Variants in HDAC9 observed in about 807,000 individuals in gnomAD.
HDAC9 encodes MEF-2 interacting transcription repressor (MITR) protein.
A neutral mutation model predicts 139.4 loss-of-function variants in HDAC9; 41 were observed. The ratio of observed to expected loss-of-function variants is 0.29; its 90% CI spans 0.23 to 0.38. The LOEUF is 0.38. HDAC9 is among the 10% of genes least tolerant of loss of function. The pLI, the probability that HDAC9 is intolerant of heterozygous loss-of-function variation, is 1.00. For synonymous variants in HDAC9, 517 were observed against 476.2 expected (o/e 1.09, Z -1.12); for missense variants, 1,147 against 1,297.0 (o/e 0.88, Z 1.78).
chr7:18,744,011 A>ATTTTTTTTTT, intron 13 of HDAC9, among the ~76,000 whole-genome samples: 3 of 123,134 alleles, frequency 2.4e-5, no homozygotes, highest in Admixed American at 8.5e-5. Flanking sequence ...TTTTACTACT[A>ATTTTTTTTTT]GTTTTTTTTT....
intron 2 of HDAC9, among the ~76,000 whole-genome samples, chr7:18,582,928 C>T (rs1828273538): frequency 6.6e-6 from 1 of 152,102 alleles, no homozygotes; most frequent in Non-Finnish European, 1.5e-5. Context: ...GCATTGTACA[C>T]ATATATGTAT....
intron 1 of HDAC9, among the ~76,000 whole-genome samples, chr7:18,159,762 A>C (rs1204364505): frequency 6.6e-6 from 1 of 152,226 alleles, no homozygotes; most frequent in Non-Finnish European, 1.5e-5. Flanking sequence ...AAACTAGTGT[A>C]TATCAATATA....
At chr7:18,514,397 A>G (rs1186334896) in intron 2 of HDAC9, among the ~76,000 whole-genome samples, 3 of 152,162 alleles carry the variant, frequency 2.0e-5, no homozygotes, top group East Asian at 1.9e-4. Flanking sequence ...TTTTCTTCCA[A>G]TCTCTTTGCC....
chr7:18,756,254 G>A (rs1450053201), intron 14 of HDAC9, among the ~76,000 whole-genome samples: 1 of 152,156 alleles, frequency 6.6e-6, no homozygotes, highest in African/African-American at 2.4e-5. Flanking sequence ...TCAAATATTT[G>A]GAGATGGGAA....
intron 1 of HDAC9, among the ~76,000 whole-genome samples, chr7:18,094,600 T>TA (rs1192242526): frequency 3.9e-5 from 6 of 151,900 alleles, no homozygotes; most frequent in Non-Finnish European, 5.9e-5. Flanking sequence ...CCTGGCTAAT[T>TA]AAAAAAAATT....
At chr7:18,413,514 C>T (rs1211430206) in intron 1 of HDAC9, among the ~76,000 whole-genome samples, 1 of 152,122 alleles carries the variant, frequency 6.6e-6, no homozygotes, top group African/African-American at 2.4e-5. Context: ...TGAGCATTTT[C>T]ACTGTTTATT....
intron 24 of HDAC9, among the ~76,000 whole-genome samples, chr7:18,956,280 G>A (rs888300550): frequency 3.3e-5 from 5 of 151,964 alleles, no homozygotes; most frequent in Admixed American, 2.0e-4. Context: ...ATCCAATAAT[G>A]CCATAATTTC....
At chr7:18,298,603 A>C (rs551697925) in intron 1 of HDAC9, among the ~76,000 whole-genome samples, 55 of 152,304 alleles carry the variant, frequency 3.6e-4, no homozygotes, top group Middle Eastern at 3.4e-3. Context: ...GTCCCTACAA[A>C]GGACATGAAC....
intron 22 of HDAC9, among the ~76,000 whole-genome samples, chr7:18,914,869 G>A (rs1430422115): frequency 6.6e-6 from 1 of 152,050 alleles, no homozygotes; most frequent in African/African-American, 2.4e-5. Context: ...TGGTATAGCA[G>A]TATTTGGAAA....
chr7:18,924,564 T>G (rs1340681196), intron 22 of HDAC9, among the ~76,000 whole-genome samples: 4 of 152,160 alleles, frequency 2.6e-5, no homozygotes, highest in Non-Finnish European at 5.9e-5. Context: ...GGAATGTTTT[T>G]GGCAATGAGA....
chr7:18,782,373 A>G (rs968193559), intron 16 of HDAC9, among the ~76,000 whole-genome samples: 1 of 152,110 alleles, frequency 6.6e-6, no homozygotes, highest in African/African-American at 2.4e-5. Flanking sequence ...CTGTGCCTAA[A>G]TTCCTTTTCT....
At chr7:18,107,270 C>T (rs1356254217) in intron 1 of HDAC9, among the ~76,000 whole-genome samples, 1 of 152,080 alleles carries the variant, frequency 6.6e-6, no homozygotes, top group Non-Finnish European at 1.5e-5. Flanking sequence ...CTGGGAGCTG[C>T]TTAGTGATAA....
intron 1 of HDAC9, among the ~76,000 whole-genome samples, chr7:18,438,968 A>G (rs1039888170): frequency 3.9e-5 from 6 of 152,364 alleles, no homozygotes; most frequent in African/African-American, 1.4e-4. Flanking sequence ...CGAACACTGC[A>G]TAGTACAAAA....
chr7:18,404,788 C>A (rs916306544), intron 1 of HDAC9, among the ~76,000 whole-genome samples: 1 of 152,144 alleles, frequency 6.6e-6, no homozygotes, highest in Non-Finnish European at 1.5e-5. Flanking sequence ...CTAAATACTT[C>A]TAATATTAAC....
At chr7:18,285,971 T>G (rs530586185), upstream of HDAC9, among the ~76,000 whole-genome samples, 22 of 152,104 alleles carry the variant, frequency 1.4e-4, no homozygotes, top group Non-Finnish European at 2.6e-4. Flanking sequence ...GCTGGGCAAC[T>G]GGTAATTTTG....
chr7:18,293,427 A>G (rs991408366), intron 1 of HDAC9, among the ~76,000 whole-genome samples: 1 of 152,090 alleles, frequency 6.6e-6, no homozygotes, highest in Non-Finnish European at 1.5e-5. Flanking sequence ...CAAACACCGC[A>G]TATTCTCACT....
intron 6 of HDAC9, among the ~76,000 whole-genome samples, chr7:18,605,249 G>C (rs533206086): frequency 3.3e-5 from 5 of 152,284 alleles, no homozygotes; most frequent in African/African-American, 1.2e-4. Context: ...GTGATGGTAA[G>C]GCGTTGGACA....
At chr7:18,684,680 A>G (rs1256049169) in intron 12 of HDAC9, among the ~76,000 whole-genome samples, 1 of 151,972 alleles carries the variant, frequency 6.6e-6, no homozygotes, top group African/African-American at 2.4e-5. Context: ...GATATAGACT[A>G]ATTATTCTTC....
At chr7:18,912,429 T>C (rs1025370963) in intron 22 of HDAC9, among the ~76,000 whole-genome samples, 2 of 152,148 alleles carry the variant, frequency 1.3e-5, no homozygotes, top group African/African-American at 4.8e-5. Context: ...TTGTTTTCTT[T>C]ATCAATAAAT....
Sources: allele counts gnomAD v4.1 joint callset (sites outside exome capture counted in the v4.1 genomes callset), GRCh38; gene constraint gnomAD v4.1.1; transcripts MANE v1.5; gene names NCBI Gene and HGNC (gene_info 2026-07-23, HGNC 2026-07-21).